GABRR1: variants seen among roughly 807,000 people sequenced by gnomAD.
The protein encoded by GABRR1 is gamma-aminobutyric acid type A receptor subunit rho1.
GABRR1 carries 59 observed loss-of-function variants against 55.5 expected under a neutral mutation model. The ratio of observed to expected loss-of-function variants is 1.06; its 90% CI spans 0.86 to 1.32. GABRR1 has a LOEUF of 1.32. Ranked by LOEUF, GABRR1 falls within the 40% of genes most tolerant of loss-of-function variation. The pLI is 0.00. For synonymous variants in GABRR1, 213 were observed against 226.0 expected (o/e 0.94, Z 0.51); for missense variants, 602 against 619.1 (o/e 0.97, Z 0.29).
intron 6 of GABRR1, among the ~76,000 whole-genome samples, chr6:89,188,189 C>T (rs1056555487): frequency 1.2e-4 from 18 of 151,884 alleles, no homozygotes; most frequent in African/African-American, 4.4e-4. Context: ...ATGCCCAGCA[C>T]ATTTTTGTAT....
chr6:89,214,436 A>G (rs1296281180), intron 1 of GABRR1, among the ~76,000 whole-genome samples: 1 of 151,980 alleles, frequency 6.6e-6, no homozygotes, highest in African/African-American at 2.4e-5. Flanking sequence ...GCACAGCAGA[A>G]TAAATAACTA....
chr6:89,210,554 C>T (rs1772803396), intron 1 of GABRR1, among the ~76,000 whole-genome samples: 1 of 152,080 alleles, frequency 6.6e-6, no homozygotes, highest in South Asian at 2.1e-4. Flanking sequence ...TCTGTCTCCC[C>T]CACTAGACTG....
chr6:89,190,963 T>C lies in GABRR1; in HGVS notation c.573-716A>G, dbSNP rs548245726. ...GAAAAGCCTCCTATCCAGTGGGGAA[T>C]TTCACAGCAGGACACGATTAACATT... On this transcript the variant is annotated intron_variant, in intron 5 of 9. Coordinates refer to ENST00000454853, the MANE Select transcript of GABRR1 (RefSeq NM_002042.5). Among the ~76,000 whole-genome samples the C allele has an allele frequency of 9.2e-5, 14 of 152,348 alleles. 1 individual carries two copies. In the South Asian group the frequency reaches 2.9e-3, roughly 32 times the overall value.
intron 7 of GABRR1, among the ~76,000 whole-genome samples, chr6:89,184,925 G>A (rs1267202080): frequency 5.2e-5 from 7 of 134,454 alleles, no homozygotes; most frequent in Admixed American, 2.6e-4. Flanking sequence ...TCACTCTGTC[G>A]CCCAGGCTGG....
intron 1 of GABRR1, among the ~76,000 whole-genome samples, chr6:89,216,544 T>G (rs918475398): frequency 1.9e-4 from 29 of 152,188 alleles, no homozygotes; most frequent in Non-Finnish European, 3.8e-4. Context: ...ATGGCCCAGG[T>G]GAGGCCGAGT....
At chr6:89,184,055 C>T (rs1380217675) in intron 7 of GABRR1, among the ~76,000 whole-genome samples, 1 of 152,060 alleles carries the variant, frequency 6.6e-6, no homozygotes, top group Non-Finnish European at 1.5e-5. Context: ...GCCTGGCCAA[C>T]ATGGTGAAAC....
intron 1 of GABRR1, among the ~76,000 whole-genome samples, chr6:89,215,301 T>C (rs1000326427): frequency 2.0e-5 from 3 of 152,220 alleles, no homozygotes; most frequent in African/African-American, 7.2e-5. Flanking sequence ...TAAGTGTCCA[T>C]CAATGGATGA....
Position 89,178,727 on chromosome 6 carries a change from A to G in GABRR1, c.*43T>C, listed in dbSNP as rs759590344. 15 of 1,486,400 alleles carry G rather than the reference A, an allele frequency of 1.0e-5. No individual in the cohort carries two copies. The highest frequency in any genetic ancestry group is 1.8e-4 in the Middle Eastern group (1 of 5,668). The allele number at this position is 1,486,400 out of a possible 1,614,324, so 92.1% of individuals were successfully genotyped here. A position where few individuals can be genotyped will look rare whatever the true frequency, so the allele number is the denominator to read the frequency against. The stretch of plus-strand genomic sequence containing the variant: ...TTTTTCATTATACAGTTATTTCTGT[A>G]GTGCATGCCATGGAAATGTGAAATT... On this transcript the variant is annotated 3_prime_UTR_variant, in exon 10 of 10. Coordinates refer to ENST00000454853, the MANE Select transcript of GABRR1 (RefSeq NM_002042.5).
At chr6:89,205,941 G>A (rs1301009188) in intron 1 of GABRR1, among the ~76,000 whole-genome samples, 1 of 140,614 alleles carries the variant, frequency 7.1e-6, no homozygotes, top group African/African-American at 2.7e-5. Flanking sequence ...TGAGAACACT[G>A]GCTCTAGCTC....
chr6:89,182,931 T>C (rs953176533), intron 7 of GABRR1, among the ~76,000 whole-genome samples: 3 of 152,026 alleles, frequency 2.0e-5, no homozygotes, highest in African/African-American at 7.2e-5. Context: ...ATAGTTCATA[T>C]GCACGTCAAA....
At chr6:89,202,223 ACT>A (rs1468191500) in intron 2 of GABRR1, among the ~76,000 whole-genome samples, 3 of 152,062 alleles carry the variant, frequency 2.0e-5, no homozygotes, top group African/African-American at 7.2e-5. Flanking sequence ...TGTAGTGAAG[ACT>A]CAGCCTCCCA....
chr6:89,214,005 T>C (rs1187683427), intron 1 of GABRR1, among the ~76,000 whole-genome samples: 1 of 70,564 alleles, frequency 1.4e-5, no homozygotes, highest in Non-Finnish European at 3.1e-5. Context: ...TGGTGAAGTC[T>C]TTAGGGTTTT....
chr6:89,190,471 A>G (rs1259047566), intron 5 of GABRR1, among the ~76,000 whole-genome samples: 3 of 152,206 alleles, frequency 2.0e-5, no homozygotes, highest in Admixed American at 6.5e-5. Flanking sequence ...GGCAAATGGA[A>G]TGTCTCTACT....
Position 89,213,208 on chromosome 6 carries a change from C to A in GABRR1, c.122+3993G>T, listed in dbSNP as rs530346828. ...TGTAAGCACCTCCTTCAGTTTTGCA[C>A]CCTAGGCACCTCACTAGATTCACCC... On this transcript the variant is annotated intron_variant, in intron 1 of 9. Transcript: ENST00000454853. Among the ~76,000 whole-genome samples the A allele has an allele frequency of 2.0e-5, 3 of 152,262 alleles. No individual in the cohort carries two copies. In the East Asian group the frequency reaches 5.8e-4, roughly 29 times the overall value.
At chr6:89,202,640 T>C (rs1772513940) in intron 2 of GABRR1, among the ~76,000 whole-genome samples, 1 of 152,020 alleles carries the variant, frequency 6.6e-6, no homozygotes. Flanking sequence ...GAGTTTCTTG[T>C]ATACAAGTAT....
At chr6:89,219,244 C>T (rs1300504667), upstream of GABRR1, among the ~76,000 whole-genome samples, 1 of 152,028 alleles carries the variant, frequency 6.6e-6, no homozygotes, top group Non-Finnish European at 1.5e-5. Flanking sequence ...CCAACCTGGG[C>T]AATAAGGAAT....
In GABRR1 at chr6:89,178,452, G is replaced by A. The variant is rs542009831; in HGVS notation, c.*318C>T. ...ATGTGAATAGCATCAAGGGTCTAAC[G>A]GGTGGAACTAAATGTGCCCACAACA... On this transcript the variant is annotated 3_prime_UTR_variant, in exon 10 of 10. Transcript: ENST00000454853. The A allele has an allele frequency of 1.7e-5, 6 of 348,834 alleles. No homozygotes were observed. The highest frequency in any genetic ancestry group is 4.4e-5 in the Admixed American group (1 of 22,970). The allele number at this position is 348,834 out of a possible 1,614,324, so 21.6% of individuals were successfully genotyped here.
chr6:89,208,645 C>T (rs1772727283), intron 1 of GABRR1, among the ~76,000 whole-genome samples: 1 of 152,230 alleles, frequency 6.6e-6, no homozygotes, highest in Non-Finnish European at 1.5e-5. Context: ...TCCAGACTGC[C>T]TTCCTACTCA....
At chr6:89,202,358 C>T (rs1772506606) in intron 2 of GABRR1, among the ~76,000 whole-genome samples, 1 of 151,532 alleles carries the variant, frequency 6.6e-6, no homozygotes, top group Non-Finnish European at 1.5e-5. Flanking sequence ...GTGGTGTGAT[C>T]TCGGCTCACT....
Sources: gnomAD v4.1 joint callset for allele counts (sites outside exome capture counted in the v4.1 genomes callset) on GRCh38, gnomAD v4.1.1 for gene constraint, MANE v1.5 for transcripts, NCBI Gene and HGNC (gene_info 2026-07-23, HGNC 2026-07-21) for gene names.